MLNR: variants seen among roughly 807,000 people sequenced by gnomAD.
MLNR encodes G protein-coupled receptor 38.
MLNR carries 16 observed loss-of-function variants against 20.0 expected under a neutral mutation model. The observed-to-expected ratio is 0.80, with a 90% CI of 0.54 to 1.22. The LOEUF is 1.22. Among genes scored for constraint, MLNR ranks in the 50% most tolerant of loss-of-function variants. The pLI, the probability that MLNR is intolerant of heterozygous loss-of-function variation, is 0.00. For synonymous variants in MLNR, 302 were observed against 287.2 expected (o/e 1.05, Z -0.52); for missense variants, 630 against 592.3 (o/e 1.06, Z -0.66).
Position 49,220,963 on chromosome 13 carries a change from G to A in MLNR, c.626G>A (p.Trp209Ter). Residue 209 changes from tryptophan (W) to a stop codon, truncating the protein, a stop_gained, in exon 1 of 2, where the codon TGG becomes TAG. Coordinates refer to ENST00000218721, the MANE Select transcript of MLNR (RefSeq NM_001507.1). LOFTEE classifies it high-confidence loss of function. The surrounding 1 kb of genome is among the most constrained non-coding windows in gnomAD (Gnocchi z 4.4). ...CCTCTCGCCTCGTCGCCGCCTCTCT[G>A]GCTCTCGCGGGCGCCACCGCCGTCC... is the stretch of plus-strand genomic sequence containing the variant. ...SSPLASSPPL[W>*]LSRAPPPSPP... The A allele has an allele frequency of 6.7e-7, 1 of 1,496,890 alleles. No homozygotes were observed. The highest frequency in any genetic ancestry group is 8.9e-7 in the Non-Finnish European group (1 of 1,127,956). The allele number at this position is 1,496,890 out of a possible 1,614,324, so 92.7% of individuals were successfully genotyped here.
At position 49,221,246 on chromosome 13, in the gene MLNR, G is replaced by C. The variant is rs778663992; in HGVS notation, c.901+8G>C. 62 of 1,558,850 alleles carry C rather than the reference G, an allele frequency of 4.0e-5. 1 individual carries two copies. The South Asian group carries it at 6.5e-4, about 16-fold the overall frequency. ...AGACCGTCCGCGTCCTGCGTAAGTGGAGCCGCCGTGGTTCCAAAGACGCCT... is the reference window on the plus strand; with the variant it reads ...AGACCGTCCGCGTCCTGCGTAAGTGCAGCCGCCGTGGTTCCAAAGACGCCT... On this transcript the variant is annotated splice_region_variant and intron_variant, in intron 1 of 1. Coordinates refer to ENST00000218721, the MANE Select transcript of MLNR (RefSeq NM_001507.1).
rs776868849 is a variant in MLNR at position 49,220,585 on chromosome 13, C to G, written c.248C>G (p.Ser83Cys). The G allele has an allele frequency of 3.7e-6, 6 of 1,613,358 alleles. No homozygotes were observed. Among genetic ancestry groups the G allele is most frequent in the South Asian group, 3.3e-5 (3 of 91,012 alleles). ...TNLYLGSMAV[S>C]DLLILLGLPF... Reference sequence around the variant, plus strand: ...TTGTACCTGGGCAGCATGGCCGTGTCCGACCTACTCATCCTGCTCGGGCTG... The same window carrying G: ...TTGTACCTGGGCAGCATGGCCGTGTGCGACCTACTCATCCTGCTCGGGCTG... Residue 83 changes from serine (S) to cysteine (C), a missense_variant, in exon 1 of 2, where the codon TCC becomes TGC. Physicochemically the swap from Ser to Cys is moderately radical, Grantham distance 112 (BLOSUM62 -1). Transcript: ENST00000218721. The surrounding 1 kb of genome is among the most constrained non-coding windows in gnomAD (Gnocchi z 4.4).
rs1430992410 is a variant in MLNR at position 49,220,952 on chromosome 13, G to T, written c.615G>T (p.Ser205=). 1 of 1,508,368 alleles carries T rather than the reference G, an allele frequency of 6.6e-7. No homozygotes were observed. Among genetic ancestry groups the T allele is most frequent in the Non-Finnish European group, 8.8e-7 (1 of 1,131,752 alleles). The allele number at this position is 1,508,368 out of a possible 1,614,324, so 93.4% of individuals were successfully genotyped here. A position where few individuals can be genotyped will look rare whatever the true frequency, so the allele number is the denominator to read the frequency against. Residue 205 remains serine (S), a synonymous_variant, in exon 1 of 2, where the codon TCG becomes TCT. Transcript: ENST00000218721. This position sits in a 1 kb window ranked among gnomAD's most constrained non-coding sequence, Gnocchi z 4.4. ...TCGCCTCCTCGCCTCTCGCCTCGTC[G>T]CCGCCTCTCTGGCTCTCGCGGGCGC... is the stretch of plus-strand genomic sequence containing the variant. ...ARIASSPLAS[S]PPLWLSRAPP...
rs746358130 is a variant in MLNR, at chr13:49,221,150, G to A, written c.813G>A (p.Gly271=). ...LCLSILYGLI[G]RELWSSRRPL... ...TCAGCATCCTCTACGGGCTCATCGG[G>A]CGGGAGCTGTGGAGCAGCCGGCGGC... Residue 271 remains glycine, a synonymous_variant, in exon 1 of 2, where the codon GGG becomes GGA. Coordinates refer to ENST00000218721, the MANE Select transcript of MLNR (RefSeq NM_001507.1). The A allele has an allele frequency of 2.5e-6, 4 of 1,591,816 alleles. No individual in the cohort carries two copies. The highest frequency in any genetic ancestry group is 1.7e-5 in the Admixed American group (1 of 59,316).
Position 49,220,663 on chromosome 13 carries a change from T to C in MLNR, c.326T>C (p.Leu109Pro). Residue 109 changes from leucine (L) to proline (P), a missense_variant, in exon 1 of 2, where the codon CTG becomes CCG. Leu to Pro is a moderately conservative substitution (Grantham distance 98). Transcript: ENST00000218721. This position sits in a 1 kb window ranked among gnomAD's most constrained non-coding sequence, Gnocchi z 4.4. ...TCGCGGCCCTGGGTGTTCGGGCCGC[T>C]GCTCTGCCGCCTGTCCCTCTACGTG... is the stretch of plus-strand genomic sequence containing the variant. ...WRSRPWVFGP[L>P]LCRLSLYVGE... The C allele has an allele frequency of 1.2e-6, 2 of 1,607,384 alleles. No homozygotes were observed. Among genetic ancestry groups the C allele is most frequent in the Non-Finnish European group, 1.7e-6 (2 of 1,177,798 alleles).
At position 49,222,144 on chromosome 13, in the gene MLNR, T is replaced by C. The variant is rs755502759; in HGVS notation, c.1006T>C (p.Phe336Leu). 1 of 1,614,030 alleles carries C rather than the reference T, an allele frequency of 6.2e-7. No homozygotes were observed. Among genetic ancestry groups the C allele is most frequent in the Non-Finnish European group, 8.5e-7 (1 of 1,180,038 alleles). Residue 336 changes from phenylalanine (F) to leucine (L), a missense_variant, in exon 2 of 2, where the codon TTT (phenylalanine) becomes CTT (leucine). Transcript: ENST00000218721. ...GCGGATGATGTACTTCTCTCAGTAC[T>C]TTAACATCGTCGCTCTGCAACTTTT... is the stretch of plus-strand genomic sequence containing the variant. ...DSRMMYFSQY[F>L]NIVALQLFYL... is the part of the protein sequence containing the mutation.
Position 49,220,782 on chromosome 13 carries a change from T to C in MLNR, c.445T>C (p.Leu149=), listed in dbSNP as rs1312969935. Residue 149 remains leucine (L), a synonymous_variant, in exon 1 of 2, where the codon TTG becomes CTG. Coordinates refer to ENST00000218721, the MANE Select transcript of MLNR (RefSeq NM_001507.1). The surrounding 1 kb of genome is among the most constrained non-coding windows in gnomAD (Gnocchi z 4.4). ...CTGCCGCCCGCTCCGCGCCCGCGTCTTGGTCACCCGGCGCCGCGTCCGCGC... is the reference window on the plus strand; with the variant it reads ...CTGCCGCCCGCTCCGCGCCCGCGTCCTGGTCACCCGGCGCCGCGTCCGCGC... The part of the protein sequence containing the change: ...AICRPLRARV[L]VTRRRVRALI... 1 of 1,566,718 alleles carries C rather than the reference T, an allele frequency of 6.4e-7. No individual in the cohort carries two copies. Among genetic ancestry groups the C allele is most frequent in the East Asian group, 2.4e-5 (1 of 41,850 alleles).
In MLNR at chr13:49,222,119, G is replaced by C; in HGVS notation, c.981G>C (p.Ser327=). ...TCATTTACATAAACACGGAAGATTC[G>C]CGGATGATGTACTTCTCTCAGTACT... ...GRIIYINTED[S]RMMYFSQYFN... is the part of the protein sequence containing the mutation. Residue 327 remains serine (S), a synonymous_variant, in exon 2 of 2, where the codon TCG becomes TCC. Transcript: ENST00000218721. 3 of 1,614,034 alleles carry C rather than the reference G, an allele frequency of 1.9e-6. No homozygotes were observed. The highest frequency in any genetic ancestry group is 1.1e-5 in the South Asian group (1 of 91,074).
Position 49,220,982 on chromosome 13 carries a change from G to T in MLNR, c.645G>T (p.Pro215=). Residue 215 remains proline, a synonymous_variant, in exon 1 of 2, where the codon CCG becomes CCT. Coordinates refer to ENST00000218721, the MANE Select transcript of MLNR (RefSeq NM_001507.1). This position sits in a 1 kb window ranked among gnomAD's most constrained non-coding sequence, Gnocchi z 4.4. ...CTCTCTGGCTCTCGCGGGCGCCACC[G>T]CCGTCCCCGCCGTCGGGGCCCGAGA... ...SPPLWLSRAP[P]PSPPSGPETA... is the part of the protein sequence containing the mutation. 1 of 1,492,172 alleles carries T rather than the reference G, an allele frequency of 6.7e-7. No homozygotes were observed. The highest frequency in any genetic ancestry group is 8.9e-7 in the Non-Finnish European group (1 of 1,128,368). 92.4% of individuals were successfully genotyped at this position (1,492,172 alleles called of 1,614,324 possible).
At position 49,220,776 on chromosome 13, in the gene MLNR, C is replaced by G; in HGVS notation, c.439C>G (p.Arg147Gly). The G allele has an allele frequency of 1.3e-6, 2 of 1,566,918 alleles. No individual in the cohort carries two copies. Among genetic ancestry groups the G allele is most frequent in the Middle Eastern group, 3.5e-4 (2 of 5,768 alleles). The change falls in exon 1 of 2, where the codon CGC becomes GGC. Residue 147 changes from arginine to glycine, a missense_variant. Coordinates refer to ENST00000218721, the MANE Select transcript of MLNR (RefSeq NM_001507.1). The surrounding 1 kb of genome is among the most constrained non-coding windows in gnomAD (Gnocchi z 4.4). ...YLAICRPLRARVLVTRRRVRA... is the reference protein window; with the variant it reads ...YLAICRPLRAGVLVTRRRVRA... ...GGCCATCTGCCGCCCGCTCCGCGCC[C>G]GCGTCTTGGTCACCCGGCGCCGCGT...
In MLNR at chr13:49,220,355, C is replaced by T. The variant is rs550929994; in HGVS notation, c.18C>T (p.Asn6=). 2.3e-5 allele frequency: 32 copies of T among 1,403,330 alleles called. No individual in the cohort carries two copies. Among genetic ancestry groups the T allele is most frequent in the African/African-American group, 1.1e-4 (7 of 65,746 alleles). The allele number at this position is 1,403,330 out of a possible 1,614,324, so 86.9% of individuals were successfully genotyped here. A position where few individuals can be genotyped will look rare whatever the true frequency, so the allele number is the denominator to read the frequency against. The change falls in exon 1 of 2, where the codon AAC becomes AAT. Residue 6 remains asparagine, a synonymous_variant. Coordinates refer to ENST00000218721, the MANE Select transcript of MLNR (RefSeq NM_001507.1). This position sits in a 1 kb window ranked among gnomAD's most constrained non-coding sequence, Gnocchi z 4.4. MGSPW[N]GSDGPEGARE... is the part of the protein sequence containing the mutation. ...GAGCACCCATGGGCAGCCCCTGGAA[C>T]GGCAGCGACGGCCCCGAGGGGGCGC...
rs1180941084 is a variant in MLNR at position 49,220,683 on chromosome 13, T to C, written c.346T>C (p.Tyr116His). ...FGPLLCRLSL[Y>H]VGEGCTYATL... Reference sequence around the variant, plus strand: ...GCCGCTGCTCTGCCGCCTGTCCCTCTACGTGGGCGAGGGCTGCACCTACGC... The same window carrying C: ...GCCGCTGCTCTGCCGCCTGTCCCTCCACGTGGGCGAGGGCTGCACCTACGC... The change falls in exon 1 of 2, where the codon TAC (tyrosine) becomes CAC (histidine). Residue 116 changes from tyrosine to histidine, a missense_variant. Physicochemically the swap from Tyr to His is moderately conservative, Grantham distance 83. Coordinates refer to ENST00000218721, the MANE Select transcript of MLNR (RefSeq NM_001507.1). The surrounding 1 kb of genome is among the most constrained non-coding windows in gnomAD (Gnocchi z 4.4). 6.2e-7 allele frequency: 1 copy of C among 1,603,124 alleles called. No individual in the cohort carries two copies. Among genetic ancestry groups the C allele is most frequent in the Non-Finnish European group, 8.5e-7 (1 of 1,175,976 alleles).
Position 49,221,235 on chromosome 13 carries a change from C to T in MLNR, c.898C>T (p.Leu300=), listed in dbSNP as rs1311120618. ...ERGHRQTVRV[L]LVVVLAFIIC... ...AGGCCACCGGCAGACCGTCCGCGTC[C>T]TGCGTAAGTGGAGCCGCCGTGGTTC... The change falls in exon 1 of 2, where the codon CTG becomes TTG. Residue 300 remains leucine, a synonymous_variant. Transcript: ENST00000218721. 2.5e-6 allele frequency: 4 copies of T among 1,571,472 alleles called. No individual in the cohort carries two copies. The highest frequency in any genetic ancestry group is 3.4e-6 in the Non-Finnish European group (4 of 1,167,024).
Position 49,221,103 on chromosome 13 carries a change from T to C in MLNR, c.766T>C (p.Phe256Leu). ...CATGCTGTGGGTCACCACCGCCTAC[T>C]TCTTCCTGCCCTTTCTGTGCCTCAG... ...RVMLWVTTAY[F>L]FLPFLCLSIL... The change falls in exon 1 of 2, where the codon TTC becomes CTC. Residue 256 changes from phenylalanine to leucine, a missense_variant. Phe to Leu is a conservative substitution (Grantham distance 22). Coordinates refer to ENST00000218721, the MANE Select transcript of MLNR (RefSeq NM_001507.1). The C allele has an allele frequency of 6.3e-7, 1 of 1,590,964 alleles. No homozygotes were observed. The highest frequency in any genetic ancestry group is 8.5e-7 in the Non-Finnish European group (1 of 1,176,808).
Position 49,222,233 on chromosome 13 carries a change from G to A in MLNR, c.1095G>A (p.Ala365=), listed in dbSNP as rs201864097. 96 of 1,613,782 alleles carry A rather than the reference G, an allele frequency of 5.9e-5. No homozygotes were observed. The Admixed American group carries it at 1.4e-3, about 24-fold the overall frequency. ...TCATTTCAAAGAAGTACAGAGCGGCGGCCTTTAAACTGCTGCTCGCAAGGA... is the reference window on the plus strand; with the variant it reads ...TCATTTCAAAGAAGTACAGAGCGGCAGCCTTTAAACTGCTGCTCGCAAGGA... ...YNLISKKYRA[A]AFKLLLARKS... The change falls in exon 2 of 2, where the codon GCG becomes GCA. Residue 365 remains alanine, a synonymous_variant. Coordinates refer to ENST00000218721, the MANE Select transcript of MLNR (RefSeq NM_001507.1).
At chr13:49,221,335 T>G in intron 1 of MLNR, 97 bp downstream of exon 1, 1 of 1,273,740 alleles carries the variant, frequency 7.9e-7, no homozygotes, top group Non-Finnish European at 1.1e-6. Flanking sequence ...CTCGCCCAGC[T>G]CTGGGCGCCG....
chr13:49,220,952 G>A lies in MLNR; in HGVS notation c.615G>A (p.Ser205=), dbSNP rs1430992410. 6.6e-7 allele frequency: 1 copy of A among 1,508,366 alleles called. No individual in the cohort carries two copies. Among genetic ancestry groups the A allele is most frequent in the South Asian group, 1.2e-5 (1 of 80,190 alleles). The allele number at this position is 1,508,366 out of a possible 1,614,324, so 93.4% of individuals were successfully genotyped here. ...TCGCCTCCTCGCCTCTCGCCTCGTC[G>A]CCGCCTCTCTGGCTCTCGCGGGCGC... ...ARIASSPLAS[S]PPLWLSRAPP... Residue 205 remains serine (S), a synonymous_variant, in exon 1 of 2, where the codon TCG becomes TCA. Transcript: ENST00000218721. This position sits in a 1 kb window ranked among gnomAD's most constrained non-coding sequence, Gnocchi z 4.4.
Position 49,221,147 on chromosome 13 carries a change from CG to C in MLNR, c.813del (p.Arg272GlyfsTer37), listed in dbSNP as rs772040145. The C allele has an allele frequency of 6.3e-7, 1 of 1,591,240 alleles. No individual in the cohort carries two copies. The highest frequency in any genetic ancestry group is 1.1e-5 in the South Asian group (1 of 90,060). ...GCCTCAGCATCCTCTACGGGCTCAT[CG>C]GGCGGGAGCTGTGGAGCAGCCGGCG... The part of the protein sequence containing the change: ...LCLSILYGLI[G>X]RELWSSRRPL... On this transcript the variant is annotated frameshift_variant, in exon 1 of 2. Coordinates refer to ENST00000218721, the MANE Select transcript of MLNR (RefSeq NM_001507.1). LOFTEE classifies it high-confidence loss of function.
Position 49,220,563 on chromosome 13 carries a change from T to A in MLNR, c.226T>A (p.Tyr76Asn). 2 of 1,613,290 alleles carry A rather than the reference T, an allele frequency of 1.2e-6. No individual in the cohort carries two copies. The highest frequency in any genetic ancestry group is 1.7e-6 in the Non-Finnish European group (2 of 1,179,650). The part of the protein sequence containing the change: ...YRDMRTTTNL[Y>N]LGSMAVSDLL... ...GGACATGCGGACCACCACCAACTTG[T>A]ACCTGGGCAGCATGGCCGTGTCCGA... Residue 76 changes from tyrosine to asparagine, a missense_variant, in exon 1 of 2, where the codon TAC becomes AAC. Physicochemically the swap from Tyr to Asn is moderately radical, Grantham distance 143. Coordinates refer to ENST00000218721, the MANE Select transcript of MLNR (RefSeq NM_001507.1). The surrounding 1 kb of genome is among the most constrained non-coding windows in gnomAD (Gnocchi z 4.4).
Sources: allele counts gnomAD v4.1 joint callset, GRCh38; gene constraint gnomAD v4.1.1; non-coding constraint Gnocchi (gnomAD v3.1); transcripts MANE v1.5; gene names NCBI Gene and HGNC (gene_info 2026-07-23, HGNC 2026-07-21).